The following PAMR1 variants were observed in gnomAD, a reference collection of about 807,000 sequenced individuals.
The protein encoded by PAMR1 is inactive serine protease PAMR1.
Under a neutral mutation model 81.8 loss-of-function variants are expected in PAMR1, and 88 were observed. That is an observed-to-expected ratio of 1.08 (90% confidence interval 0.91 to 1.28). PAMR1 has a LOEUF of 1.28. Ranked by LOEUF, PAMR1 falls within the 50% of genes most tolerant of loss-of-function variation. The probability of loss-of-function intolerance (pLI) is 0.00; values close to 1 mark genes in which losing one functional copy is unlikely to be tolerated. For missense variants in PAMR1, 935 were observed against 919.7 expected (o/e 1.02, Z -0.21); for synonymous variants, 336 against 345.3 (o/e 0.97, Z 0.30).
At chr11:35,449,037 C>T (rs1222742963) in intron 6 of PAMR1, among the ~76,000 whole-genome samples, 1 of 152,212 alleles carries the variant, frequency 6.6e-6, no homozygotes, top group African/African-American at 2.4e-5. Flanking sequence ...CCCACAGGGG[C>T]ACCAAACTGA....
At chr11:35,524,392 T>G (rs947223957) in intron 1 of PAMR1, among the ~76,000 whole-genome samples, 3 of 152,196 alleles carry the variant, frequency 2.0e-5, no homozygotes, top group Non-Finnish European at 4.4e-5. Context: ...CAGCTTTTCG[T>G]TGATCATGAA....
chr11:35,511,478 G>A (rs568933085), intron 1 of PAMR1, among the ~76,000 whole-genome samples: 28 of 152,324 alleles, frequency 1.8e-4, no homozygotes, highest in African/African-American at 6.3e-4. Context: ...AAAGGCCCTG[G>A]CCAAGACCAC....
intron 6 of PAMR1, among the ~76,000 whole-genome samples, chr11:35,458,469 T>G (rs796527098): frequency 5.4e-4 from 82 of 152,324 alleles, no homozygotes; most frequent in African/African-American, 1.8e-3. Context: ...TAATGAAATA[T>G]TTATGATTGC....
At chr11:35,513,716 C>T (rs377465221) in intron 1 of PAMR1, among the ~76,000 whole-genome samples, 4 of 152,194 alleles carry the variant, frequency 2.6e-5, no homozygotes, top group Non-Finnish European at 4.4e-5. Context: ...CCCATGTTCT[C>T]ATTTACAACA....
chr11:35,451,252 C>A (rs1009287807), intron 6 of PAMR1, among the ~76,000 whole-genome samples: 1 of 152,158 alleles, frequency 6.6e-6, no homozygotes, highest in African/African-American at 2.4e-5. Context: ...CTAGCAGAAA[C>A]TTTAGAGAGT....
chr11:35,525,819 G>A, upstream of PAMR1: 1 of 574,066 alleles, frequency 1.7e-6, no homozygotes, highest in Non-Finnish European at 3.1e-6. Context: ...CCCGGGAGGT[G>A]TGGCCACGCC....
chr11:35,478,356 T>C (rs1850319802), intron 3 of PAMR1, among the ~76,000 whole-genome samples: 1 of 152,182 alleles, frequency 6.6e-6, no homozygotes, highest in African/African-American at 2.4e-5. Flanking sequence ...CCTCAGGGGC[T>C]GTCCTTCAGA....
intron 6 of PAMR1, among the ~76,000 whole-genome samples, chr11:35,442,647 C>T (rs1389543922): frequency 2.6e-5 from 4 of 151,788 alleles, no homozygotes; most frequent in South Asian, 4.2e-4. Flanking sequence ...GGTCTCACTC[C>T]GTCACCCAGG....
chr11:35,469,543 A>C (rs771098416), intron 5 of PAMR1, among the ~76,000 whole-genome samples: 1 of 152,214 alleles, frequency 6.6e-6, no homozygotes, highest in Non-Finnish European at 1.5e-5. Context: ...GCAAAGCATC[A>C]GAACTCCCAG....
intron 3 of PAMR1, among the ~76,000 whole-genome samples, chr11:35,480,181 A>C (rs1329070345): frequency 1.3e-5 from 2 of 152,156 alleles, no homozygotes; most frequent in Admixed American, 1.3e-4. Context: ...AGACCAAAAA[A>C]CCAATTCAAA....
At chr11:35,505,478 C>T (rs1396558978) in intron 1 of PAMR1, among the ~76,000 whole-genome samples, 1 of 152,028 alleles carries the variant, frequency 6.6e-6, no homozygotes, top group East Asian at 1.9e-4. Context: ...TCTAACTCTC[C>T]CTTTAGATCT....
Position 35,439,029 on chromosome 11 carries a change from G to A in PAMR1, c.1100+598C>T, listed in dbSNP as rs1350015721. 1.3e-5 allele frequency among the ~76,000 whole-genome samples: 2 copies of A among 152,166 alleles called. 1 individual carries two copies. The highest frequency in any genetic ancestry group is 2.9e-5 in the Non-Finnish European group (2 of 68,020). On this transcript the variant is annotated intron_variant, in intron 8 of 10. Coordinates refer to ENST00000619888, the MANE Select transcript of PAMR1 (RefSeq NM_001001991.3). ...ATAGAGGAAAATCAAGGAGGCCCGT[G>A]TAGCTGAGTGGAGAGAGTGAGGAAG...
chr11:35,509,174 A>G (rs536996862), intron 1 of PAMR1, among the ~76,000 whole-genome samples: 28 of 152,348 alleles, frequency 1.8e-4, no homozygotes, highest in African/African-American at 6.3e-4. Context: ...TAAATCCACT[A>G]TCCCTCTTTC....
At chr11:35,491,476 T>C (rs1464130746) in intron 3 of PAMR1, among the ~76,000 whole-genome samples, 2 of 152,220 alleles carry the variant, frequency 1.3e-5, no homozygotes, top group African/African-American at 2.4e-5. Context: ...TTCAGGGCAC[T>C]GTCGGGGGGA....
chr11:35,523,709 T>G (rs1240417029), intron 1 of PAMR1, among the ~76,000 whole-genome samples: 1 of 152,232 alleles, frequency 6.6e-6, no homozygotes, highest in African/African-American at 2.4e-5. Flanking sequence ...AGGAAATATT[T>G]TCCTTCTCCA....
intron 3 of PAMR1, among the ~76,000 whole-genome samples, chr11:35,482,112 TG>T (rs1850405862): frequency 6.6e-6 from 1 of 152,224 alleles, no homozygotes; most frequent in African/African-American, 2.4e-5. Flanking sequence ...TCTTTGCCCA[TG>T]CCTATGTCCT....
intron 3 of PAMR1, among the ~76,000 whole-genome samples, chr11:35,484,801 T>C (rs1850467815): frequency 6.6e-6 from 1 of 152,160 alleles, no homozygotes; most frequent in Non-Finnish European, 1.5e-5. Flanking sequence ...CAGCTAGAAG[T>C]GTGGCATTCT....
chr11:35,457,245 C>T (rs1856554142), intron 6 of PAMR1, among the ~76,000 whole-genome samples: 1 of 152,102 alleles, frequency 6.6e-6, no homozygotes, highest in Non-Finnish European at 1.5e-5. Context: ...CTGTTGAGGG[C>T]CAGAATAGAA....
chr11:35,456,317 G>T (rs1371815458), intron 6 of PAMR1, among the ~76,000 whole-genome samples: 1 of 152,184 alleles, frequency 6.6e-6, no homozygotes, highest in Non-Finnish European at 1.5e-5. Flanking sequence ...AACCCCAGAA[G>T]TTGACTGTAG....
Sources: allele counts gnomAD v4.1 joint callset (sites outside exome capture counted in the v4.1 genomes callset), GRCh38; gene constraint gnomAD v4.1.1; transcripts MANE v1.5; gene names NCBI Gene and HGNC (gene_info 2026-07-23, HGNC 2026-07-21).